The following RIMBP2 variants were observed in gnomAD, a reference collection of about 807,000 sequenced individuals.
The protein encoded by RIMBP2 is RIMS-binding protein 2.
RIMBP2 carries 48 observed loss-of-function variants against 118.6 expected under a neutral mutation model. The observed-to-expected ratio is 0.40, with a 90% confidence interval of 0.32 to 0.51. RIMBP2 has a LOEUF of 0.51. Ranked by LOEUF, RIMBP2 falls within the 20% of genes least tolerant of loss-of-function variation. The pLI is 0.41. For missense variants in RIMBP2, 1,551 were observed against 1,768.3 expected (o/e 0.88, Z 2.20); for synonymous variants, 762 against 742.9 (o/e 1.03, Z -0.42).
chr12:130,691,512 A>C (rs2065304714), intron 1 of RIMBP2, among the ~76,000 whole-genome samples: 1 of 152,178 alleles, frequency 6.6e-6, no homozygotes, highest in Admixed American at 6.5e-5. Context: ...TCTCCAAAAA[A>C]AATACAAAAA....
At chr12:130,411,140 C>A (rs2075680905) in intron 19 of RIMBP2, among the ~76,000 whole-genome samples, 1 of 152,150 alleles carries the variant, frequency 6.6e-6, no homozygotes, top group African/African-American at 2.4e-5. Context: ...ATTTTAATTT[C>A]TAAATTTTCA....
chr12:130,474,147 AGCC>A (rs2081241730), intron 5 of RIMBP2, among the ~76,000 whole-genome samples: 1 of 152,154 alleles, frequency 6.6e-6, no homozygotes, highest in Non-Finnish European at 1.5e-5. Flanking sequence ...CTGGAGAGGA[AGCC>A]TCAGGGTTTC....
At chr12:130,642,243 C>T (rs1283922550) in intron 1 of RIMBP2, among the ~76,000 whole-genome samples, 1 of 152,040 alleles carries the variant, frequency 6.6e-6, no homozygotes, top group Admixed American at 6.6e-5. Context: ...CAGGGAGAGG[C>T]CCTGGCTCCG....
chr12:130,711,175 G>A (rs946298146), intron 1 of RIMBP2, among the ~76,000 whole-genome samples: 4 of 152,146 alleles, frequency 2.6e-5, no homozygotes, highest in African/African-American at 4.8e-5. Flanking sequence ...CCCAGGAGGC[G>A]GAGGCTGCAG....
At chr12:130,589,697 C>T (rs987149528) in intron 2 of RIMBP2, among the ~76,000 whole-genome samples, 2 of 152,190 alleles carry the variant, frequency 1.3e-5, no homozygotes, top group Non-Finnish European at 1.5e-5. Flanking sequence ...ATCGAAACAT[C>T]ACAGTGTACC....
chr12:130,460,039 G>T (rs1412567208), intron 6 of RIMBP2, among the ~76,000 whole-genome samples: 1 of 152,194 alleles, frequency 6.6e-6, no homozygotes, highest in Non-Finnish European at 1.5e-5. Flanking sequence ...AGGAACTGTG[G>T]AGTACCCTTC....
In RIMBP2 at chr12:130,451,337, TGAC is replaced by T. The variant is rs1303495742; in HGVS notation, c.359_361del (p.Gly120_Gln121delinsGlu). On this transcript the variant is annotated inframe_deletion and splice_region_variant, in exon 8 of 23. Coordinates refer to ENST00000690449, the MANE Select transcript of RIMBP2 (RefSeq NM_001393629.1). ...AGAGCTGCCTCCAATAGCGCTCTCCTGACCTGGCCACGAACATTAAAACAAGTT... is the reference window on the plus strand; with the variant it reads ...AGAGCTGCCTCCAATAGCGCTCTCCTCTGGCCACGAACATTAAAACAAGTT... 1.0e-5 allele frequency: 16 copies of T among 1,603,412 alleles called. No individual in the cohort carries two copies. The highest frequency in any genetic ancestry group is 1.3e-5 in the Non-Finnish European group (15 of 1,172,576).
chr12:130,516,887 A>G (rs2051521748), intron 3 of RIMBP2, among the ~76,000 whole-genome samples: 2 of 152,132 alleles, frequency 1.3e-5, no homozygotes, highest in Admixed American at 1.3e-4. Context: ...ATGACAAGGG[A>G]GCTAGACAGG....
chr12:130,628,140 C>T (rs2061761530), intron 2 of RIMBP2, among the ~76,000 whole-genome samples, 182 bp downstream of exon 2: 1 of 152,172 alleles, frequency 6.6e-6, no homozygotes, highest in Non-Finnish European at 1.5e-5. Flanking sequence ...CATGATGTTC[C>T]TCTCTCTGTG....
At chr12:130,453,670 TCCAGGGGCCGGG>T (rs1332512992) in intron 7 of RIMBP2, among the ~76,000 whole-genome samples, 1 of 152,176 alleles carries the variant, frequency 6.6e-6, no homozygotes, top group Non-Finnish European at 1.5e-5. Context: ...AACAGTGGTT[TCCAGGGGCCGGG>T]CCGGGGGCTG....
At chr12:130,474,812 C>T (rs796753518) in intron 5 of RIMBP2, among the ~76,000 whole-genome samples, 8 of 152,332 alleles carry the variant, frequency 5.3e-5, no homozygotes, top group South Asian at 4.1e-4. Flanking sequence ...AGCCCGGACA[C>T]GCTGCACCAG....
chr12:130,660,842 C>T (rs1030895635), intron 1 of RIMBP2, among the ~76,000 whole-genome samples: 13 of 152,114 alleles, frequency 8.5e-5, no homozygotes, highest in African/African-American at 1.9e-4. Context: ...TGGCGTGTCA[C>T]GCAGGCCACC....
At chr12:130,532,735 A>G in intron 2 of RIMBP2, among the ~76,000 whole-genome samples, 1 of 131,154 alleles carries the variant, frequency 7.6e-6, no homozygotes, top group Non-Finnish European at 1.6e-5. Context: ...GTGTGTGTTC[A>G]GCCTCTAGGA....
chr12:130,677,565 C>A (rs2064552855), intron 1 of RIMBP2, among the ~76,000 whole-genome samples: 1 of 152,052 alleles, frequency 6.6e-6, no homozygotes, highest in South Asian at 2.1e-4. Context: ...GAGGCAGAGG[C>A]TGCAGTGAGC....
At chr12:130,611,237 C>G (rs2060525592) in intron 2 of RIMBP2, among the ~76,000 whole-genome samples, 1 of 152,206 alleles carries the variant, frequency 6.6e-6, no homozygotes, top group African/African-American at 2.4e-5. Flanking sequence ...ACATTCCCCT[C>G]CCATCCCACG....
chr12:130,481,485 G>A (rs567630818), intron 4 of RIMBP2, among the ~76,000 whole-genome samples: 8 of 152,120 alleles, frequency 5.3e-5, no homozygotes, highest in Middle Eastern at 3.4e-3. Flanking sequence ...GAATAAACTC[G>A]GCATCCTCTC....
chr12:130,434,156 C>T lies in RIMBP2; in HGVS notation c.2253+578G>A, dbSNP rs962730343. ...CCCACTATTTAGCATTCCCCAGGCC[C>T]TCGGTTATTTCCAGTCCCTCCTGTT... On this transcript the variant is annotated intron_variant, in intron 14 of 22. Coordinates refer to ENST00000690449, the MANE Select transcript of RIMBP2 (RefSeq NM_001393629.1). This position sits in a 1 kb window ranked among gnomAD's most constrained non-coding sequence, Gnocchi z 5.7. 6.6e-6 allele frequency among the ~76,000 whole-genome samples: 1 copy of T among 152,212 alleles called. No homozygotes were observed. Among genetic ancestry groups the T allele is most frequent in the Non-Finnish European group, 1.5e-5 (1 of 68,044 alleles).
intron 4 of RIMBP2, among the ~76,000 whole-genome samples, chr12:130,486,109 C>T (rs1460608109): frequency 6.6e-6 from 1 of 152,072 alleles, no homozygotes; most frequent in Non-Finnish European, 1.5e-5. Flanking sequence ...TCCCATCTCA[C>T]ACGCTCTTCC....
At chr12:130,598,461 G>A (rs1016275824) in intron 2 of RIMBP2, among the ~76,000 whole-genome samples, 2 of 152,226 alleles carry the variant, frequency 1.3e-5, no homozygotes, top group African/African-American at 4.8e-5. Flanking sequence ...AAGTGCAGTG[G>A]CTCATGCCTG....
Sources: allele counts gnomAD v4.1 joint callset (sites outside exome capture counted in the v4.1 genomes callset), GRCh38; gene constraint gnomAD v4.1.1; non-coding constraint Gnocchi (gnomAD v3.1); transcripts MANE v1.5; gene names NCBI Gene and HGNC (gene_info 2026-07-23, HGNC 2026-07-21).